The following AGO1 variants were observed in gnomAD, a reference collection of about 807,000 sequenced individuals.
AGO1 encodes argonaute RISC component 1, also known as protein argonaute-1.
In AGO1, 11 loss-of-function variants were observed where a neutral mutation model predicts 109.2. That is an observed-to-expected ratio of 0.10 (90% CI 0.06 to 0.17). AGO1 has a LOEUF of 0.17. Ranked by LOEUF, AGO1 falls within the 10% of genes least tolerant of loss-of-function variation. AGO1 has a pLI of 1.00. For missense variants in AGO1, 574 were observed against 1,140.3 expected (o/e 0.50, Z 7.15); for synonymous variants, 422 against 418.6 (o/e 1.01, Z -0.10).
intron 12 of AGO1, 92 bp from the exon 13 acceptor site, chr1:35,913,750 T>C: frequency 7.6e-7 from 1 of 1,315,644 alleles, no homozygotes; most frequent in Non-Finnish European, 1.1e-6. Flanking sequence ...GTCATTATTG[T>C]GTTCCCTAGC....
intron 6 of AGO1, 62 bp downstream of exon 6, chr1:35,894,233 T>C (rs1571349331): frequency 1.0e-5 from 16 of 1,587,812 alleles, no homozygotes; most frequent in East Asian, 2.2e-5. Flanking sequence ...GGAAATCCCC[T>C]TGGGGTATGC....
In AGO1 at chr1:35,922,990, C is replaced by T. The variant is rs1315693552; in HGVS notation, c.*3383C>T. The T allele has an allele frequency of 2.0e-5, 3 of 151,994 alleles. No homozygotes were observed. Among genetic ancestry groups the T allele is most frequent in the Non-Finnish European group, 2.9e-5 (2 of 68,084 alleles). 9.4% of individuals were successfully genotyped at this position (151,994 alleles called of 1,614,324 possible). ...CTGGGTTTGAGTGTTAGGGGATGGA[C>T]ATAAAGGAAAAAGAGTGATGAGAAG... On this transcript the variant is annotated 3_prime_UTR_variant, in exon 19 of 19. Coordinates refer to ENST00000373204, the MANE Select transcript of AGO1 (RefSeq NM_012199.5).
intron 12 of AGO1, among the ~76,000 whole-genome samples, chr1:35,910,351 T>C (rs1645609915): frequency 6.6e-6 from 1 of 151,820 alleles, no homozygotes; most frequent in African/African-American, 2.4e-5. Flanking sequence ...ATCTTGTCTT[T>C]AGTATATTTA....
chr1:35,893,089 T>G lies in AGO1; in HGVS notation c.331-8T>G. On this transcript the variant is annotated splice_polypyrimidine_tract_variant and splice_region_variant and intron_variant, in intron 3 of 18. Coordinates refer to ENST00000373204, the MANE Select transcript of AGO1 (RefSeq NM_012199.5). This position sits in a 1 kb window ranked among gnomAD's most constrained non-coding sequence, Gnocchi z 5.6. ...AATCCTTCATCCCTTTCTTTCACCC[T>G]CCTGAAGGTCGACTTTGAGGTGACA... The G allele has an allele frequency of 6.2e-7, 1 of 1,613,106 alleles. No individual in the cohort carries two copies.
At chr1:35,882,693 TG>T, upstream of AGO1, 1 of 485,324 alleles carries the variant, frequency 2.1e-6, no homozygotes, top group Non-Finnish European at 2.7e-6. This position sits in a 1 kb window ranked among gnomAD's most constrained non-coding sequence, Gnocchi z 5.1. Flanking sequence ...TACTTATCTG[TG>T]GTCTCAGCGT....
At chr1:35,917,787 A>C in intron 16 of AGO1, 60 bp downstream of exon 16, 1 of 1,573,186 alleles carries the variant, frequency 6.4e-7, no homozygotes. Flanking sequence ...TTAATAGAGA[A>C]GAAGCCCTTG....
At chr1:35,902,485 A>G (rs1645435642) in intron 11 of AGO1, 148 bp downstream of exon 11, 3 of 1,112,930 alleles carry the variant, frequency 2.7e-6, no homozygotes, top group Non-Finnish European at 3.6e-6. Flanking sequence ...ACTTCTACCA[A>G]TTCTTTTTCT....
At chr1:35,872,677 TC>T (rs991279536) in intron 1 of AGO1, among the ~76,000 whole-genome samples, 1 of 152,034 alleles carries the variant, frequency 6.6e-6, no homozygotes, top group Non-Finnish European at 1.5e-5. Flanking sequence ...GCTGAAGTGA[TC>T]CTCCTTCCTC....
At chr1:35,906,208 TG>T (rs1645516511) in intron 11 of AGO1, among the ~76,000 whole-genome samples, 1 of 152,214 alleles carries the variant, frequency 6.6e-6, no homozygotes, top group Non-Finnish European at 1.5e-5. Flanking sequence ...AAGAACCAGT[TG>T]GGAAGGAGGG....
At chr1:35,916,419 G>C (rs1034875885) in intron 15 of AGO1, among the ~76,000 whole-genome samples, 62 of 152,160 alleles carry the variant, frequency 4.1e-4, no homozygotes, top group African/African-American at 1.4e-3. Context: ...CCAGGGTGGA[G>C]CGCAGTGGTG....
Position 35,915,401 on chromosome 1 carries a change from A to T in AGO1, c.1887A>T (p.Val629=). ...GCCGATACTGTGCTACTGTGCGGGT[A>T]CAGCGACCACGGCAAGAGATCATTG... The part of the protein sequence containing the change: ...HPSRYCATVR[V]QRPRQEIIED... The change falls in exon 15 of 19, where the codon GTA becomes GTT. Residue 629 remains valine, a synonymous_variant. Transcript: ENST00000373204. 1 of 1,614,122 alleles carries T rather than the reference A, an allele frequency of 6.2e-7. No homozygotes were observed. Among genetic ancestry groups the T allele is most frequent in the Non-Finnish European group, 8.5e-7 (1 of 1,180,018 alleles).
chr1:35,908,567 A>G (rs1326711293), intron 12 of AGO1, among the ~76,000 whole-genome samples: 3 of 152,172 alleles, frequency 2.0e-5, no homozygotes, highest in Admixed American at 6.5e-5. Context: ...ATATTGATGA[A>G]TAAAACAGAT....
intron 1 of AGO1, among the ~76,000 whole-genome samples, chr1:35,871,494 G>A (rs1301063026): frequency 2.0e-5 from 3 of 151,512 alleles, no homozygotes; most frequent in Non-Finnish European, 4.4e-5. Flanking sequence ...AGTGAGCAGA[G>A]ATCTAGCCAC....
At chr1:35,886,601 C>G (rs1028814576) in intron 1 of AGO1, among the ~76,000 whole-genome samples, 1 of 152,034 alleles carries the variant, frequency 6.6e-6, no homozygotes, top group Non-Finnish European at 1.5e-5. Context: ...ATTATTCAGT[C>G]TGGGAGGGGA....
At chr1:35,900,422 T>C (rs761329778) in intron 8 of AGO1, among the ~76,000 whole-genome samples, 13 of 152,230 alleles carry the variant, frequency 8.5e-5, no homozygotes, top group Non-Finnish European at 1.9e-4. Context: ...AGATTGTTAC[T>C]ATTATCCTTC....
Position 35,925,199 on chromosome 1 carries a change from T to A in AGO1, c.*5592T>A, listed in dbSNP as rs577932548. On this transcript the variant is annotated 3_prime_UTR_variant, in exon 19 of 19. Transcript: ENST00000373204. Reference sequence around the variant, plus strand: ...AACTGCTGCAGAGAGGGAGTTCTTTTTTTTTCTGTGTGTTTTACCTTTCTA... The same window carrying A: ...AACTGCTGCAGAGAGGGAGTTCTTTATTTTTCTGTGTGTTTTACCTTTCTA... 7 of 151,832 alleles carry A rather than the reference T, an allele frequency of 4.6e-5. No individual in the cohort carries two copies. The South Asian group carries it at 1.5e-3, about 32-fold the overall frequency. The allele number at this position is 151,832 out of a possible 1,614,324, so 9.4% of individuals were successfully genotyped here. A position where few individuals can be genotyped will look rare whatever the true frequency, so the allele number is the denominator to read the frequency against.
At position 35,893,312 on chromosome 1, in the gene AGO1, G is replaced by A. The variant is rs1442759968; in HGVS notation, c.512+34G>A. 6.3e-7 allele frequency: 1 copy of A among 1,595,830 alleles called. No homozygotes were observed. The highest frequency in any genetic ancestry group is 8.6e-7 in the Non-Finnish European group (1 of 1,167,056). ...TGTAGTTAGTATCTGGGCTACTAGTGTTGGCAGAACTGCTGTCAGGGGAGG... is the reference window on the plus strand; with the variant it reads ...TGTAGTTAGTATCTGGGCTACTAGTATTGGCAGAACTGCTGTCAGGGGAGG... On this transcript the variant is annotated intron_variant, in intron 4 of 18. Transcript: ENST00000373204. This position sits in a 1 kb window ranked among gnomAD's most constrained non-coding sequence, Gnocchi z 5.6.
At chr1:35,870,893 A>G (rs1644944337) in intron 1 of AGO1, among the ~76,000 whole-genome samples, 1 of 152,250 alleles carries the variant, frequency 6.6e-6, no homozygotes, top group Non-Finnish European at 1.5e-5. Flanking sequence ...GAGTCATACC[A>G]TAAGCATTCT....
Position 35,919,045 on chromosome 1 carries a change from A to G in AGO1, c.2266-10A>G, listed in dbSNP as rs200341927. The G allele has an allele frequency of 3.1e-6, 5 of 1,613,794 alleles. No homozygotes were observed. Among genetic ancestry groups the G allele is most frequent in the East Asian group, 4.5e-5 (2 of 44,904 alleles). ...CCAGCCTGGGACCCCTCACCTTCCT[A>G]TCTTCCCAGGGCACCAGCCGACCAT... is the stretch of plus-strand genomic sequence containing the variant. On this transcript the variant is annotated splice_polypyrimidine_tract_variant and intron_variant, in intron 17 of 18. Transcript: ENST00000373204. This position sits in a 1 kb window ranked among gnomAD's most constrained non-coding sequence, Gnocchi z 6.6.
Sources: gnomAD v4.1 joint callset for allele counts (sites outside exome capture counted in the v4.1 genomes callset) on GRCh38, gnomAD v4.1.1 for gene constraint, Gnocchi (gnomAD v3.1) non-coding constraint, MANE v1.5 for transcripts, NCBI Gene and HGNC (gene_info 2026-07-23, HGNC 2026-07-21) for gene names.